The following CPNE4 variants were observed in gnomAD, a reference collection of about 807,000 sequenced individuals.
CPNE4 encodes copine 4, also known as copine-4.
Under a neutral mutation model 67.9 loss-of-function variants are expected in CPNE4, and 25 were observed. The observed-to-expected ratio is 0.37, with a 90% CI of 0.27 to 0.51. The LOEUF is 0.51. CPNE4 is among the 20% of genes least tolerant of loss of function. The probability of loss-of-function intolerance (pLI) is 0.93; values close to 1 mark genes in which losing one functional copy is unlikely to be tolerated. For missense variants in CPNE4, 464 were observed against 690.8 expected (o/e 0.67, Z 3.68); for synonymous variants, 242 against 244.9 (o/e 0.99, Z 0.11).
chr3:132,006,224 G>T (rs1225681536), intron 1 of CPNE4, among the ~76,000 whole-genome samples: 1 of 152,098 alleles, frequency 6.6e-6, no homozygotes, highest in African/African-American at 2.4e-5. Flanking sequence ...AAAAAGCATG[G>T]CTATGCAGGA....
At chr3:131,716,767 T>C (rs917566091) in intron 3 of CPNE4, among the ~76,000 whole-genome samples, 11 of 152,224 alleles carry the variant, frequency 7.2e-5, no homozygotes, top group Non-Finnish European at 1.6e-4. Flanking sequence ...GTCAGCACTA[T>C]TATTATTTCC....
chr3:131,936,196 A>G (rs1479109024), intron 1 of CPNE4, among the ~76,000 whole-genome samples: 1 of 151,936 alleles, frequency 6.6e-6, no homozygotes, highest in African/African-American at 2.4e-5. Context: ...ACAGAAAATC[A>G]AAACATACAA....
chr3:131,636,075 C>T (rs1444401635), intron 7 of CPNE4, among the ~76,000 whole-genome samples: 2 of 82,412 alleles, frequency 2.4e-5, no homozygotes, highest in African/African-American at 1.7e-4. Context: ...AGCGAGACTC[C>T]GTCTCAAAAA....
intron 5 of CPNE4, among the ~76,000 whole-genome samples, chr3:131,696,141 C>G (rs1337452123): frequency 6.6e-6 from 1 of 152,162 alleles, no homozygotes; most frequent in East Asian, 1.9e-4. Flanking sequence ...AGGAGTTGTA[C>G]AAATGAATAA....
chr3:131,785,613 G>A (rs1179581518), intron 2 of CPNE4, among the ~76,000 whole-genome samples: 5 of 151,384 alleles, frequency 3.3e-5, no homozygotes, highest in Admixed American at 6.6e-5. Context: ...CTTGTTCTTC[G>A]GGTAAAAATG....
At chr3:132,020,260 G>C (rs2073966107) in intron 1 of CPNE4, among the ~76,000 whole-genome samples, 1 of 152,216 alleles carries the variant, frequency 6.6e-6, no homozygotes, top group Non-Finnish European at 1.5e-5. Context: ...GGCAGGCAGG[G>C]CTGCTCCGTC....
chr3:131,829,694 T>G (rs932215147), intron 2 of CPNE4, among the ~76,000 whole-genome samples: 1 of 152,190 alleles, frequency 6.6e-6, no homozygotes, highest in Non-Finnish European at 1.5e-5. Flanking sequence ...TAACAAATGT[T>G]GATGATACTA....
At chr3:131,563,309 A>G (rs1485018026) in intron 11 of CPNE4, among the ~76,000 whole-genome samples, 1 of 152,020 alleles carries the variant, frequency 6.6e-6, no homozygotes, top group Non-Finnish European at 1.5e-5. Flanking sequence ...TTGGTTTACA[A>G]TCACACCAGG....
At position 132,034,729 on chromosome 3, in the gene CPNE4, G is replaced by T; in HGVS notation, c.-164C>A. On this transcript the variant is annotated 5_prime_UTR_variant, in exon 1 of 16. Coordinates refer to ENST00000429747, the MANE Select transcript of CPNE4 (RefSeq NM_130808.3). ...CCTCCTTCCCCTCTCGTCCTCCGAGGTCAGTTTAGCAACAGCGGCTGGGAA... is the reference window on the plus strand; with the variant it reads ...CCTCCTTCCCCTCTCGTCCTCCGAGTTCAGTTTAGCAACAGCGGCTGGGAA... The T allele has an allele frequency of 1.0e-6, 1 of 985,346 alleles. No individual in the cohort carries two copies. The highest frequency in any genetic ancestry group is 1.2e-6 in the Non-Finnish European group (1 of 830,016). 61.0% of individuals were successfully genotyped at this position (985,346 alleles called of 1,614,324 possible).
chr3:131,792,925 G>GTGTATATATATA (rs58502463), intron 2 of CPNE4, among the ~76,000 whole-genome samples: 1 of 135,142 alleles, frequency 7.4e-6, no homozygotes, highest in Admixed American at 7.7e-5. Flanking sequence ...GTGTGTGTGT[G>GTGTATATATATA]TATCTCCAAC....
chr3:132,011,821 C>T (rs765472492), intron 1 of CPNE4, among the ~76,000 whole-genome samples: 4 of 152,176 alleles, frequency 2.6e-5, no homozygotes, highest in African/African-American at 4.8e-5. Context: ...AAAAGTGTTC[C>T]AGTTAACACA....
intron 3 of CPNE4, among the ~76,000 whole-genome samples, chr3:131,703,134 T>C (rs1290614371): frequency 6.6e-6 from 1 of 152,224 alleles, no homozygotes; most frequent in Non-Finnish European, 1.5e-5. Context: ...CCACTTATCA[T>C]GTACACTTTG....
chr3:131,545,995 G>A (rs780587614), intron 14 of CPNE4, among the ~76,000 whole-genome samples: 9 of 152,156 alleles, frequency 5.9e-5, no homozygotes, highest in Non-Finnish European at 1.2e-4. Flanking sequence ...TAGGGAGTCA[G>A]AGGTTGCAGT....
intron 2 of CPNE4, among the ~76,000 whole-genome samples, chr3:131,754,701 T>TG (rs1216685544): frequency 1.1e-4 from 16 of 152,104 alleles, no homozygotes; most frequent in Admixed American, 1.0e-3. Flanking sequence ...AGAGTATAGT[T>TG]GAAGTTGTAT....
rs540058356 is a variant in CPNE4, at chr3:131,937,853, G to A, written c.-1-32409C>T. ...AACACAAAGTTAACCAATAAGAAAC[G>A]TAATATCATTTCTTAAAATCAGGTA... On this transcript the variant is annotated intron_variant, in intron 1 of 15. Transcript: ENST00000429747. Among the ~76,000 whole-genome samples, 7 of 151,996 alleles carry A rather than the reference G, an allele frequency of 4.6e-5. No homozygotes were observed. In the East Asian group the frequency reaches 9.7e-4, roughly 21 times the overall value.
intron 1 of CPNE4, among the ~76,000 whole-genome samples, chr3:131,999,677 A>C (rs184240703): frequency 6.6e-4 from 100 of 152,234 alleles, no homozygotes; most frequent in African/African-American, 2.2e-3. Context: ...GATATATGAT[A>C]TGATAAAGCA....
intron 8 of CPNE4, among the ~76,000 whole-genome samples, chr3:131,586,399 CAA>C (rs758511453): frequency 4.6e-5 from 7 of 152,168 alleles, no homozygotes; most frequent in Non-Finnish European, 1.0e-4. Context: ...GGTGCATTAT[CAA>C]GTCAGTTACC....
chr3:131,552,080 A>G (rs935044717), intron 13 of CPNE4, among the ~76,000 whole-genome samples: 2 of 149,008 alleles, frequency 1.3e-5, no homozygotes, highest in Admixed American at 1.3e-4. Context: ...AAAAAAAAAA[A>G]AACACTTGAT....
intron 1 of CPNE4, among the ~76,000 whole-genome samples, chr3:131,964,804 G>C (rs2072295309): frequency 6.6e-6 from 1 of 152,082 alleles, no homozygotes; most frequent in Admixed American, 6.5e-5. Context: ...TATACTTCAG[G>C]ATATTGTCTA....
Sources: gnomAD v4.1 joint callset for allele counts (sites outside exome capture counted in the v4.1 genomes callset) on GRCh38, gnomAD v4.1.1 for gene constraint, MANE v1.5 for transcripts, NCBI Gene and HGNC (gene_info 2026-07-23, HGNC 2026-07-21) for gene names.